The following TOR1AIP1 variants were observed in gnomAD, a reference collection of about 807,000 sequenced individuals.
TOR1AIP1 encodes the protein torsin-1A-interacting protein 1.
Under a neutral mutation model 63.3 loss-of-function variants are expected in TOR1AIP1, and 54 were observed. That is an observed-to-expected ratio of 0.85 (90% CI 0.69 to 1.07). The LOEUF is 1.07. Ranked by LOEUF, TOR1AIP1 falls within the 50% of genes least tolerant of loss-of-function variation. TOR1AIP1 has a pLI of 0.00. For missense variants in TOR1AIP1, 736 were observed against 715.0 expected, an observed-to-expected ratio of 1.03 and a Z score of -0.33; for synonymous variants, 294 against 273.5, an observed-to-expected ratio of 1.07 and a Z score of -0.74.
intron 9 of TOR1AIP1, 121 bp downstream of exon 9, chr1:179,914,175 ACTTG>A: frequency 1.2e-6 from 1 of 848,784 alleles, no homozygotes; most frequent in Admixed American, 2.6e-5. Flanking sequence ...CATTTTAAGC[ACTTG>A]AGAGGAAAAA....
intron 8 of TOR1AIP1, chr1:179,913,666 T>C (rs1648905662): frequency 1.4e-6 from 1 of 702,214 alleles, no homozygotes. Flanking sequence ...GTGTGCTTAG[T>C]TTCTTTGTCC....
At chr1:179,884,434 T>G (rs531932754) in intron 1 of TOR1AIP1, among the ~76,000 whole-genome samples, 1 of 152,202 alleles carries the variant, frequency 6.6e-6, no homozygotes. Context: ...CCCCATCTTT[T>G]TGATTTTCTG....
Position 179,900,151 on chromosome 1 carries a change from C to A in TOR1AIP1, c.636C>A (p.Val212=). The part of the protein sequence containing the change: ...RYEATSVQQK[V]NFSEEGETEE... ...AAGCCACCAGTGTCCAACAGAAGGT[C>A]AATTTCTCTGAAGAAGGTATTTTAC... Residue 212 remains valine (V), a synonymous_variant, in exon 4 of 10, where the codon GTC becomes GTA. Transcript: ENST00000606911. 1 of 1,605,046 alleles carries A rather than the reference C, an allele frequency of 6.2e-7. No homozygotes were observed. The highest frequency in any genetic ancestry group is 1.1e-5 in the South Asian group (1 of 90,474).
At chr1:179,915,798 T>C (rs1463624156) in intron 9 of TOR1AIP1, among the ~76,000 whole-genome samples, 36 of 152,160 alleles carry the variant, frequency 2.4e-4, no homozygotes, top group Admixed American at 2.4e-3. Context: ...TATTGGGAGT[T>C]GTCAAGCTCA....
chr1:179,907,129 A>T (rs138074928), intron 6 of TOR1AIP1, among the ~76,000 whole-genome samples: 4,665 of 151,786 alleles, frequency 0.031, 109 homozygotes, highest in Middle Eastern at 0.058. Context: ...CATGCCTGTA[A>T]TCCCAGCACT....
chr1:179,913,785 A>G (rs952113841), intron 8 of TOR1AIP1, among the ~76,000 whole-genome samples: 5 of 152,230 alleles, frequency 3.3e-5, no homozygotes, highest in Non-Finnish European at 5.9e-5. Flanking sequence ...ACCCCACCAT[A>G]TGCTGTGAAA....
At position 179,882,862 on chromosome 1, in the gene TOR1AIP1, G is replaced by A. The variant is rs567144425; in HGVS notation, c.360G>A (p.Glu120=). ...QRRQPRPQET[E]EMKTRRTTRL... is the part of the protein sequence containing the mutation. ...GGCAGCCGCGACCCCAGGAAACCGA[G>A]GAAATGAAGACGCGAAGGACTACCC... The change falls in exon 1 of 10, where the codon GAG becomes GAA. Residue 120 remains glutamate, a synonymous_variant. Coordinates refer to ENST00000606911, the MANE Select transcript of TOR1AIP1 (RefSeq NM_015602.4). The A allele has an allele frequency of 1.9e-6, 3 of 1,614,090 alleles. No homozygotes were observed. The highest frequency in any genetic ancestry group is 2.2e-5 in the South Asian group (2 of 91,088).
chr1:179,908,495 C>T (rs1033734880), intron 7 of TOR1AIP1, 110 bp from the exon 8 acceptor site: 41 of 840,412 alleles, frequency 4.9e-5, no homozygotes, highest in Non-Finnish European at 3.3e-5. Flanking sequence ...TTATTGTTTT[C>T]TTCCCCTACT....
At chr1:179,907,753 T>A in intron 6 of TOR1AIP1, 70 bp from the exon 7 acceptor site, 1 of 1,245,738 alleles carries the variant, frequency 8.0e-7, no homozygotes, top group Non-Finnish European at 1.1e-6. Flanking sequence ...ACAAGCAAAA[T>A]GTCTGTGCAA....
At chr1:179,900,069 A>T (rs1648401935) in intron 3 of TOR1AIP1, 57 bp from the exon 4 acceptor site, 3 of 1,351,424 alleles carry the variant, frequency 2.2e-6, no homozygotes, top group Non-Finnish European at 3.1e-6. Flanking sequence ...GTTTATTCCT[A>T]AGCTTTAACT....
chr1:179,905,269 G>A (rs1225047281), intron 6 of TOR1AIP1, among the ~76,000 whole-genome samples: 3 of 152,092 alleles, frequency 2.0e-5, no homozygotes, highest in African/African-American at 7.2e-5. Context: ...CAGCTACTCG[G>A]GAGGCTGAGG....
intron 1 of TOR1AIP1, among the ~76,000 whole-genome samples, chr1:179,883,244 A>G (rs1571719748): frequency 6.6e-6 from 1 of 152,202 alleles, no homozygotes; most frequent in South Asian, 2.1e-4. Flanking sequence ...TCGGGCATCA[A>G]TTTAGGGGAG....
chr1:179,887,249 A>T (rs544228953), intron 2 of TOR1AIP1, among the ~76,000 whole-genome samples: 1 of 152,234 alleles, frequency 6.6e-6, no homozygotes, highest in East Asian at 1.9e-4. Flanking sequence ...AAATACAAAA[A>T]CTAGCCAGGC....
intron 8 of TOR1AIP1, among the ~76,000 whole-genome samples, chr1:179,912,452 G>T (rs1454306784): frequency 6.6e-6 from 1 of 152,120 alleles, no homozygotes; most frequent in African/African-American, 2.4e-5. Flanking sequence ...GTATGTGTTT[G>T]TGTTATATGA....
chr1:179,913,852 A>T, intron 8 of TOR1AIP1, 146 bp from the exon 9 acceptor site: 1 of 720,084 alleles, frequency 1.4e-6, no homozygotes, highest in Non-Finnish European at 2.3e-6. Flanking sequence ...ATCGGCACTC[A>T]GATATTCTAC....
chr1:179,896,165 T>G (rs1648257403), intron 3 of TOR1AIP1, among the ~76,000 whole-genome samples: 1 of 152,224 alleles, frequency 6.6e-6, no homozygotes, highest in Non-Finnish European at 1.5e-5. Context: ...ATTTCAGACT[T>G]TTTAAGTTGC....
chr1:179,915,936 G>A (rs748527541), intron 9 of TOR1AIP1, among the ~76,000 whole-genome samples: 1 of 152,136 alleles, frequency 6.6e-6, no homozygotes, highest in Non-Finnish European at 1.5e-5. Context: ...TGAAAAATGT[G>A]CTAATTCGCC....
intron 3 of TOR1AIP1, among the ~76,000 whole-genome samples, chr1:179,899,797 A>G (rs377676980): frequency 2.3e-4 from 35 of 152,054 alleles, no homozygotes; most frequent in Middle Eastern, 3.4e-3. Context: ...GGCACACACC[A>G]CCACTCCTGG....
At chr1:179,883,031 C>G (rs1477410044) in intron 1 of TOR1AIP1, 54 bp downstream of exon 1, 2 of 1,524,842 alleles carry the variant, frequency 1.3e-6, no homozygotes, top group East Asian at 4.8e-5. Flanking sequence ...CGCGCGGGGG[C>G]GGGCGCGCGC....
Sources: allele counts gnomAD v4.1 joint callset (sites outside exome capture counted in the v4.1 genomes callset), GRCh38; gene constraint gnomAD v4.1.1; transcripts MANE v1.5; gene names NCBI Gene and HGNC (gene_info 2026-07-23, HGNC 2026-07-21).